Variants in GOT2 observed in about 807,000 individuals in gnomAD.
GOT2 encodes the protein aspartate aminotransferase, mitochondrial.
GOT2 carries 17 observed loss-of-function variants against 50.0 expected under a neutral mutation model. That is an observed-to-expected ratio of 0.34 (90% CI 0.23 to 0.51). The LOEUF (loss-of-function observed/expected upper bound fraction) is 0.51. Among genes scored for constraint, GOT2 ranks in the 20% least tolerant of loss-of-function variants. The pLI, the probability that GOT2 is intolerant of heterozygous loss-of-function variation, is 0.97. For synonymous variants in GOT2, 172 were observed against 204.9 expected, an observed-to-expected ratio of 0.84 and a Z score of 1.37; for missense variants, 430 against 559.6, an observed-to-expected ratio of 0.77 and a Z score of 2.34.
At chr16:58,730,353 G>T (rs766658988) in intron 1 of GOT2, among the ~76,000 whole-genome samples, 3 of 151,510 alleles carry the variant, frequency 2.0e-5, no homozygotes, top group Non-Finnish European at 4.4e-5. Context: ...CCCTCAGGTA[G>T]GCTCCAGTGT....
At chr16:58,729,208 A>G (rs1403776001) in intron 1 of GOT2, among the ~76,000 whole-genome samples, 1 of 151,324 alleles carries the variant, frequency 6.6e-6, no homozygotes, top group Non-Finnish European at 1.5e-5. Context: ...GCCTGAAGAA[A>G]GCTTTCATTA....
chr16:58,712,104 C>T (rs1376076990), intron 8 of GOT2, among the ~76,000 whole-genome samples: 1 of 152,132 alleles, frequency 6.6e-6, no homozygotes, highest in Non-Finnish European at 1.5e-5. Flanking sequence ...AAGCCCTTTC[C>T]CCTCTTTAAT....
intron 1 of GOT2, among the ~76,000 whole-genome samples, chr16:58,725,156 C>A (rs1484229165): frequency 6.7e-6 from 1 of 150,342 alleles, no homozygotes; most frequent in Non-Finnish European, 1.5e-5. Context: ...ACTCTGTCAC[C>A]CAGGCTGGAG....
chr16:58,723,143 G>T (rs968414435), intron 2 of GOT2, among the ~76,000 whole-genome samples: 2 of 152,164 alleles, frequency 1.3e-5, no homozygotes, highest in Non-Finnish European at 2.9e-5. Context: ...GTGAATGAGG[G>T]AATGTACAAT....
chr16:58,730,685 A>C (rs1398950209), intron 1 of GOT2, among the ~76,000 whole-genome samples: 2 of 152,138 alleles, frequency 1.3e-5, no homozygotes, highest in African/African-American at 4.8e-5. Context: ...ACTCAATTTG[A>C]TTAGCCCCAC....
intron 1 of GOT2, among the ~76,000 whole-genome samples, chr16:58,726,970 A>C (rs574240460): frequency 6.6e-6 from 1 of 152,016 alleles, no homozygotes; most frequent in African/African-American, 2.4e-5. Flanking sequence ...TCTGACCAAC[A>C]CGGTGAAACT....
intron 8 of GOT2, among the ~76,000 whole-genome samples, chr16:58,714,426 C>T (rs937265979): frequency 6.6e-6 from 1 of 151,604 alleles, no homozygotes; most frequent in Admixed American, 6.6e-5. Flanking sequence ...GTGGCGGGCG[C>T]CTGTAGTCCC....
chr16:58,725,048 GA>G (rs1220082310), intron 1 of GOT2, among the ~76,000 whole-genome samples: 1 of 151,912 alleles, frequency 6.6e-6, no homozygotes, highest in Non-Finnish European at 1.5e-5. Context: ...TTAGACTGGG[GA>G]TAAGCTTTTG....
intron 6 of GOT2, 75 bp downstream of exon 6, chr16:58,718,121 G>A (rs1331303814): frequency 2.9e-6 from 3 of 1,018,512 alleles, no homozygotes; most frequent in Non-Finnish European, 4.7e-6. Flanking sequence ...ACTCTCTGTT[G>A]AGACATTGCC....
intron 1 of GOT2, among the ~76,000 whole-genome samples, chr16:58,731,753 C>T (rs563761636): frequency 6.6e-6 from 1 of 152,284 alleles, no homozygotes; most frequent in Non-Finnish European, 1.5e-5. Context: ...CCAAGTATGC[C>T]ATTGGATAAA....
chr16:58,726,288 C>T (rs9921588), intron 1 of GOT2, among the ~76,000 whole-genome samples: 10,533 of 152,010 alleles, frequency 0.069, 875 homozygotes, highest in African/African-American at 0.2. Flanking sequence ...CGGGTTCAAG[C>T]GATTCTCCTG....
intron 1 of GOT2, among the ~76,000 whole-genome samples, chr16:58,726,398 C>T (rs1212809778): frequency 1.3e-5 from 2 of 152,106 alleles, no homozygotes; most frequent in African/African-American, 4.8e-5. Context: ...GTTGGCCAGG[C>T]TGGTCTTGAA....
intron 8 of GOT2, among the ~76,000 whole-genome samples, chr16:58,711,437 T>C (rs30839): frequency 0.58 from 88,036 of 152,002 alleles, 26,243 homozygotes; most frequent in Middle Eastern, 0.81. Flanking sequence ...CTCTCACCAA[T>C]GACATTCCCA....
intron 4 of GOT2, among the ~76,000 whole-genome samples, chr16:58,718,926 T>C (rs979381910): frequency 3.3e-5 from 5 of 152,168 alleles, no homozygotes; most frequent in East Asian, 3.8e-4. Flanking sequence ...AGGGGGTTAA[T>C]TGTACCTCTC....
chr16:58,707,921 T>G lies in GOT2; in HGVS notation c.*250A>C. 1.9e-5 allele frequency: 6 copies of G among 319,644 alleles called. No homozygotes were observed. Among genetic ancestry groups the G allele is most frequent in the Non-Finnish European group, 2.9e-5 (5 of 174,430 alleles). 19.8% of individuals were successfully genotyped at this position (319,644 alleles called of 1,614,324 possible). On this transcript the variant is annotated 3_prime_UTR_variant, in exon 10 of 10. Transcript: ENST00000245206. Reference sequence around the variant, plus strand: ...GACTTTCTTGCACATGTAAACTCTTTGAGAAAAGTTGGAGAAAAAAGGACC... The same window carrying G: ...GACTTTCTTGCACATGTAAACTCTTGGAGAAAAGTTGGAGAAAAAAGGACC...
At chr16:58,717,556 A>G (rs1300826712) in intron 6 of GOT2, among the ~76,000 whole-genome samples, 2 of 152,248 alleles carry the variant, frequency 1.3e-5, no homozygotes, top group Non-Finnish European at 2.9e-5. Context: ...AGGAGAGGAC[A>G]TGAAAAAGTG....
chr16:58,728,022 T>C (rs1597705865), intron 1 of GOT2, among the ~76,000 whole-genome samples: 3 of 152,286 alleles, frequency 2.0e-5, no homozygotes, highest in Non-Finnish European at 1.5e-5. Flanking sequence ...TCAGCACTCA[T>C]ACACCTCACT....
chr16:58,734,028 TGTGA>T (rs1006724086), intron 1 of GOT2, 108 bp downstream of exon 1: 32 of 476,686 alleles, frequency 6.7e-5, no homozygotes, highest in African/African-American at 4.0e-4. Flanking sequence ...TGTGTGTGCG[TGTGA>T]GTGACAGTGT....
Position 58,722,284 on chromosome 16 carries a change from C to A in GOT2, c.247-6G>T. The A allele has an allele frequency of 6.2e-7, 1 of 1,612,632 alleles. No homozygotes were observed. The highest frequency in any genetic ancestry group is 1.3e-5 in the African/African-American group (1 of 75,018). On this transcript the variant is annotated splice_polypyrimidine_tract_variant and splice_region_variant and intron_variant, in intron 2 of 9. Coordinates refer to ENST00000245206, the MANE Select transcript of GOT2 (RefSeq NM_002080.4). ...GCGGCAATCTGGGCCTCTGCCTAGA[C>A]AAGAGAAAATACATCCATTGAATTT...
Sources: gnomAD v4.1 joint callset for allele counts (sites outside exome capture counted in the v4.1 genomes callset) on GRCh38, gnomAD v4.1.1 for gene constraint, MANE v1.5 for transcripts, NCBI Gene and HGNC (gene_info 2026-07-23, HGNC 2026-07-21) for gene names.